The following FRMD4A variants were observed in gnomAD, a reference collection of about 807,000 sequenced individuals.
FRMD4A encodes FERM domain-containing protein 4A.
In FRMD4A, 29 loss-of-function variants were observed where a neutral mutation model predicts 129.1. The ratio of observed to expected loss-of-function variants is 0.22; its 90% confidence interval spans 0.17 to 0.31. FRMD4A has a LOEUF of 0.31. Among genes scored for constraint, FRMD4A ranks in the 10% least tolerant of loss-of-function variants. The probability of loss-of-function intolerance (pLI) is 1.00; values close to 1 mark genes in which losing one functional copy is unlikely to be tolerated. For synonymous variants in FRMD4A, 634 were observed against 571.6 expected (o/e 1.11, Z -1.56); for missense variants, 1,272 against 1,375.8 (o/e 0.92, Z 1.19).
intron 2 of FRMD4A, among the ~76,000 whole-genome samples, chr10:14,146,907 T>G (rs1840102939): frequency 6.6e-6 from 1 of 152,268 alleles, no homozygotes; most frequent in Non-Finnish European, 1.5e-5. Flanking sequence ...CTAAATGTAA[T>G]GCTTAATTAC....
At chr10:14,324,720 C>T (rs1843197260) in intron 2 of FRMD4A, among the ~76,000 whole-genome samples, 1 of 152,078 alleles carries the variant, frequency 6.6e-6, no homozygotes, top group South Asian at 2.1e-4. Flanking sequence ...CAGTGGCGTG[C>T]GCCGATCTCG....
chr10:13,951,976 T>A (rs1300080771), intron 2 of FRMD4A, among the ~76,000 whole-genome samples: 2 of 149,830 alleles, frequency 1.3e-5, no homozygotes, highest in African/African-American at 4.9e-5. Flanking sequence ...AAATATCTGT[T>A]CTCTTTGCTT....
intron 3 of FRMD4A, among the ~76,000 whole-genome samples, chr10:13,822,229 A>G (rs1340738486): frequency 6.6e-6 from 1 of 152,208 alleles, no homozygotes; most frequent in Non-Finnish European, 1.5e-5. Flanking sequence ...ACATTTCCAA[A>G]CTACTCTCAG....
intron 2 of FRMD4A, among the ~76,000 whole-genome samples, chr10:13,957,379 G>C (rs376303705): frequency 6.6e-6 from 1 of 151,952 alleles, no homozygotes; most frequent in Non-Finnish European, 1.5e-5. Context: ...TCAGCCTCCC[G>C]TCTAGCTGGG....
intron 2 of FRMD4A, among the ~76,000 whole-genome samples, chr10:14,065,055 G>A (rs1565223515): frequency 6.6e-6 from 1 of 152,148 alleles, no homozygotes; most frequent in Admixed American, 6.5e-5. Context: ...TGAGTGGTAG[G>A]GAGTGCCAAA....
chr10:14,231,077 T>A (rs899563234), intron 2 of FRMD4A, among the ~76,000 whole-genome samples: 10 of 152,208 alleles, frequency 6.6e-5, no homozygotes, highest in Non-Finnish European at 1.3e-4. Context: ...GGTGCTTCAA[T>A]GAACATATGA....
intron 2 of FRMD4A, among the ~76,000 whole-genome samples, chr10:14,168,961 AG>A (rs35796503): frequency 1 from 152,232 of 152,232 alleles, 76,116 homozygotes; most frequent in Non-Finnish European, 1. Context: ...GATGCCTTGA[AG>A]GGGGGTTGTT....
chr10:13,822,172 A>G (rs754486507), intron 3 of FRMD4A, among the ~76,000 whole-genome samples: 3 of 152,220 alleles, frequency 2.0e-5, no homozygotes, highest in Non-Finnish European at 4.4e-5. Flanking sequence ...CCATCAAGCT[A>G]ATAAACATAT....
intron 2 of FRMD4A, among the ~76,000 whole-genome samples, chr10:14,154,019 C>T (rs1840474898): frequency 6.6e-6 from 1 of 152,170 alleles, no homozygotes; most frequent in Non-Finnish European, 1.5e-5. Flanking sequence ...TCGCCATCCC[C>T]TGCTTGGCCT....
chr10:14,289,162 A>G (rs1845772774), intron 2 of FRMD4A, among the ~76,000 whole-genome samples: 1 of 152,104 alleles, frequency 6.6e-6, no homozygotes, highest in South Asian at 2.1e-4. Context: ...TTATATGATA[A>G]TTCCATTTTT....
intron 6 of FRMD4A, among the ~76,000 whole-genome samples, chr10:13,773,788 C>G (rs1273972185): frequency 6.6e-6 from 1 of 152,186 alleles, no homozygotes; most frequent in Non-Finnish European, 1.5e-5. Context: ...GCTGAGGGTC[C>G]ACATTCCCTG....
chr10:14,014,580 CAGAA>C lies in FRMD4A; in HGVS notation c.46-155672_46-155669del, dbSNP rs1202814785. Reference sequence around the variant, plus strand: ...GAAGCTGGGACTGAGGTTAGACAAACAGAAAGGCTGCCTACATCCATAATTTTCT... The same window carrying C: ...GAAGCTGGGACTGAGGTTAGACAAACAGGCTGCCTACATCCATAATTTTCT... On this transcript the variant is annotated intron_variant, in intron 2 of 24. Coordinates refer to ENST00000357447, the MANE Select transcript of FRMD4A (RefSeq NM_018027.5). Among the ~76,000 whole-genome samples, 9 of 152,288 alleles carry C rather than the reference CAGAA, an allele frequency of 5.9e-5. No individual in the cohort carries two copies. In the East Asian group the frequency reaches 1.5e-3, roughly 26 times the overall value.
intron 2 of FRMD4A, among the ~76,000 whole-genome samples, chr10:14,214,694 T>G (rs1169699149): frequency 3.3e-5 from 5 of 152,228 alleles, no homozygotes; most frequent in Non-Finnish European, 7.3e-5. Flanking sequence ...CTATTTTCTA[T>G]AGATAATCTT....
chr10:13,908,073 G>A (rs1012491908), intron 2 of FRMD4A, among the ~76,000 whole-genome samples: 4 of 142,850 alleles, frequency 2.8e-5, no homozygotes, highest in Non-Finnish European at 6.0e-5. Flanking sequence ...GCTGAGGCAG[G>A]AGAATCGCTT....
At chr10:14,029,977 C>T (rs537426410) in intron 2 of FRMD4A, among the ~76,000 whole-genome samples, 11 of 152,208 alleles carry the variant, frequency 7.2e-5, no homozygotes, top group South Asian at 2.1e-4. Context: ...GAGGATATTA[C>T]GCTAAGTGAA....
intron 3 of FRMD4A, among the ~76,000 whole-genome samples, chr10:13,852,389 G>T (rs527798566): frequency 6.6e-6 from 1 of 151,772 alleles, no homozygotes; most frequent in Admixed American, 6.6e-5. Context: ...GACTACAGGC[G>T]CACGCCACCA....
At chr10:13,846,142 T>C (rs747646705) in intron 3 of FRMD4A, among the ~76,000 whole-genome samples, 25 of 152,230 alleles carry the variant, frequency 1.6e-4, no homozygotes, top group Non-Finnish European at 2.6e-4. Flanking sequence ...AAATAAGCGT[T>C]CAATTAGCTA....
At chr10:13,809,802 C>A (rs774897573) in intron 4 of FRMD4A, among the ~76,000 whole-genome samples, 4 of 152,218 alleles carry the variant, frequency 2.6e-5, no homozygotes, top group Non-Finnish European at 4.4e-5. Context: ...ACAGTCCCAA[C>A]GACACCCCCT....
At chr10:13,823,646 G>A (rs2093660471) in intron 3 of FRMD4A, among the ~76,000 whole-genome samples, 1 of 152,132 alleles carries the variant, frequency 6.6e-6, no homozygotes, top group Non-Finnish European at 1.5e-5. Flanking sequence ...ACCCCATCTT[G>A]TCCTGCAGTG....
Sources: allele counts gnomAD v4.1 joint callset (sites outside exome capture counted in the v4.1 genomes callset), GRCh38; gene constraint gnomAD v4.1.1; transcripts MANE v1.5; gene names NCBI Gene and HGNC (gene_info 2026-07-23, HGNC 2026-07-21).